C1GALT1: variants seen among roughly 807,000 people sequenced by gnomAD.
C1GALT1 encodes glycoprotein-N-acetylgalactosamine 3-beta-galactosyltransferase 1.
A neutral mutation model predicts 31.0 loss-of-function variants in C1GALT1; 11 were observed. That is an observed-to-expected ratio of 0.36 (90% CI 0.22 to 0.59). C1GALT1 has a LOEUF of 0.59. Ranked by LOEUF, C1GALT1 falls within the 20% of genes least tolerant of loss-of-function variation. The probability of loss-of-function intolerance (pLI) is 0.79; values close to 1 mark genes in which losing one functional copy is unlikely to be tolerated. For synonymous variants in C1GALT1, 175 were observed against 143.6 expected (o/e 1.22, Z -1.56); for missense variants, 424 against 425.2 (o/e 1.00, Z 0.03).
intron 2 of C1GALT1, among the ~76,000 whole-genome samples, chr7:7,172,956 C>T (rs375127737): frequency 3.9e-5 from 6 of 152,182 alleles, no homozygotes; most frequent in African/African-American, 7.2e-5. Flanking sequence ...TCCTATGCTC[C>T]ACCTATTCAT....
At chr7:7,230,700 A>T (rs1583823033) in intron 1 of C1GALT1, among the ~76,000 whole-genome samples, 1 of 104,324 alleles carries the variant, frequency 9.6e-6, no homozygotes, top group East Asian at 2.8e-4. Flanking sequence ...ATTTAATTAT[A>T]TTGTTTTACT....
chr7:7,181,308 G>A (rs1225084821), upstream of C1GALT1, among the ~76,000 whole-genome samples: 1 of 149,964 alleles, frequency 6.7e-6, no homozygotes, highest in African/African-American at 2.5e-5. Context: ...TACAAGTTGG[G>A]GAGGAGTAGA....
At chr7:7,213,546 A>T (rs1782104109) in intron 1 of C1GALT1, among the ~76,000 whole-genome samples, 2 of 152,214 alleles carry the variant, frequency 1.3e-5, no homozygotes, top group Admixed American at 1.3e-4. Context: ...CCTCTGAGCC[A>T]TCCAGAAAGC....
intron 1 of C1GALT1, among the ~76,000 whole-genome samples, chr7:7,195,751 A>G (rs755229254): frequency 6.6e-6 from 1 of 152,150 alleles, no homozygotes; most frequent in Non-Finnish European, 1.5e-5. Context: ...TGACTTGTCT[A>G]GTGCCGTCAG....
In C1GALT1 at chr7:7,243,799, T is replaced by G; in HGVS notation, c.*72T>G. The G allele has an allele frequency of 8.9e-7, 1 of 1,128,240 alleles. No homozygotes were observed. The highest frequency in any genetic ancestry group is 1.3e-6 in the Non-Finnish European group (1 of 799,648). 69.9% of individuals were successfully genotyped at this position (1,128,240 alleles called of 1,614,324 possible). On this transcript the variant is annotated 3_prime_UTR_variant, in exon 4 of 4. Coordinates refer to ENST00000436587, the MANE Select transcript of C1GALT1 (RefSeq NM_020156.5). Reference sequence around the variant, plus strand: ...AAAAAGGACTTCTGCATTTCTGACATAGAACACTGGAATCCCAGTGAGGAA... The same window carrying G: ...AAAAAGGACTTCTGCATTTCTGACAGAGAACACTGGAATCCCAGTGAGGAA...
chr7:7,228,415 C>T (rs561328616), intron 1 of C1GALT1, among the ~76,000 whole-genome samples: 1 of 152,292 alleles, frequency 6.6e-6, no homozygotes, highest in East Asian at 1.9e-4. Context: ...AAGCACTTGG[C>T]ATAAAGAACT....
At chr7:7,179,953 C>A (rs1440330484), upstream of C1GALT1, among the ~76,000 whole-genome samples, 1 of 151,628 alleles carries the variant, frequency 6.6e-6, no homozygotes, top group Non-Finnish European at 1.5e-5. Flanking sequence ...TACAGAAATT[C>A]ACTTTTATTT....
upstream of C1GALT1, chr7:7,178,070 C>A: frequency 9.0e-6 from 2 of 221,594 alleles, no homozygotes; most frequent in South Asian, 7.3e-5. Context: ...GGAGAGCCAT[C>A]CATTTTTAGT....
At chr7:7,241,552 T>G (rs563701373) in intron 3 of C1GALT1, among the ~76,000 whole-genome samples, 1 of 152,052 alleles carries the variant, frequency 6.6e-6, no homozygotes, top group Non-Finnish European at 1.5e-5. Context: ...TTGCCCAGGA[T>G]TTTTTGTAAG....
chr7:7,220,965 C>T (rs1020302682), intron 1 of C1GALT1, among the ~76,000 whole-genome samples: 1 of 150,262 alleles, frequency 6.7e-6, no homozygotes, highest in Non-Finnish European at 1.5e-5. Context: ...TTTCTGGTCT[C>T]TTGTATGTGA....
At chr7:7,198,714 C>T (rs983889080) in intron 1 of C1GALT1, among the ~76,000 whole-genome samples, 2 of 152,118 alleles carry the variant, frequency 1.3e-5, no homozygotes, top group African/African-American at 2.4e-5. Flanking sequence ...ATTTCAGAAC[C>T]TGTTATTGGT....
intron 2 of C1GALT1, 100 bp downstream of exon 2, chr7:7,234,639 C>A: frequency 5.0e-6 from 4 of 792,178 alleles, no homozygotes; most frequent in South Asian, 4.0e-5. Flanking sequence ...GCTATATATT[C>A]CAGATATTAA....
rs75641204 is a variant in C1GALT1, at chr7:7,189,924, C to A, written c.-18+7104C>A. The stretch of plus-strand genomic sequence containing the variant: ...ATTAATTAATTCAATACCATTTCTT[C>A]AATAAGCCACCTTTTTCTTGATTTG... On this transcript the variant is annotated intron_variant, in intron 1 of 3. Coordinates refer to ENST00000436587, the MANE Select transcript of C1GALT1 (RefSeq NM_020156.5). 1.3e-4 allele frequency among the ~76,000 whole-genome samples: 20 copies of A among 152,070 alleles called. No individual in the cohort carries two copies. In the East Asian group the frequency reaches 3.9e-3, roughly 29 times the overall value.
chr7:7,181,114 T>G (rs1780574403), upstream of C1GALT1, among the ~76,000 whole-genome samples: 1 of 146,120 alleles, frequency 6.8e-6, no homozygotes, highest in South Asian at 2.1e-4. Context: ...AGATAAGGAG[T>G]TGTGAGTTTT....
At chr7:7,183,890 A>T (rs1214602123) in intron 1 of C1GALT1, among the ~76,000 whole-genome samples, 1 of 152,244 alleles carries the variant, frequency 6.6e-6, no homozygotes, top group Non-Finnish European at 1.5e-5. Flanking sequence ...ACCATAATGA[A>T]TCAATGAATA....
rs1451526366 is a variant in C1GALT1 at position 7,234,335 on chromosome 7, T to G, written c.16T>G (p.Trp6Gly). 6.2e-7 allele frequency: 1 copy of G among 1,613,782 alleles called. No homozygotes were observed. Among genetic ancestry groups the G allele is most frequent in the Admixed American group, 1.7e-5 (1 of 59,990 alleles). The change falls in exon 2 of 4, where the codon TGG (tryptophan) becomes GGG (glycine). Residue 6 changes from tryptophan to glycine, a missense_variant. Physicochemically the swap from Trp to Gly is radical, Grantham distance 184 (BLOSUM62 -2). Around this residue, in one of 3 missense-constraint regions of C1GALT1, gnomAD observed 189 missense variants for 158.2 expected, o/e 1.19. Coordinates refer to ENST00000436587, the MANE Select transcript of C1GALT1 (RefSeq NM_020156.5). ...CTTTCGGGAAATGGCCTCTAAATCCTGGCTGAATTTTTTAACCTTCCTCTG... is the reference window on the plus strand; with the variant it reads ...CTTTCGGGAAATGGCCTCTAAATCCGGGCTGAATTTTTTAACCTTCCTCTG... MASKS[W>G]LNFLTFLCGS...
chr7:7,173,470 A>G (rs1004803214), intron 2 of C1GALT1, among the ~76,000 whole-genome samples: 7 of 152,170 alleles, frequency 4.6e-5, no homozygotes, highest in African/African-American at 1.7e-4. Flanking sequence ...GAATGGATTA[A>G]CACAAGGTTC....
upstream of C1GALT1, among the ~76,000 whole-genome samples, chr7:7,179,185 C>G (rs1310907403): frequency 6.6e-6 from 1 of 152,164 alleles, no homozygotes; most frequent in African/African-American, 2.4e-5. Flanking sequence ...AACAAGTAAT[C>G]CTAGAGAAAG....
chr7:7,216,682 G>A (rs1018179735), intron 1 of C1GALT1, among the ~76,000 whole-genome samples: 2 of 152,138 alleles, frequency 1.3e-5, no homozygotes, highest in African/African-American at 4.8e-5. Flanking sequence ...TATCTTAATC[G>A]GAGACAGAAT....
Sources: allele counts gnomAD v4.1 joint callset (sites outside exome capture counted in the v4.1 genomes callset), GRCh38; gene constraint gnomAD v4.1.1; regional missense constraint gnomAD v4.1.1; transcripts MANE v1.5; gene names NCBI Gene and HGNC (gene_info 2026-07-23, HGNC 2026-07-21).